Variants in SRCIN1 observed in about 807,000 individuals in gnomAD.
SRCIN1 encodes the protein SRC kinase signaling inhibitor 1.
A neutral mutation model predicts 116.2 loss-of-function variants in SRCIN1; 50 were observed. The ratio of observed to expected loss-of-function variants is 0.43; its 90% CI spans 0.34 to 0.54. The LOEUF (loss-of-function observed/expected upper bound fraction) is 0.54, where lower values mean the gene tolerates loss of function less well. Among genes scored for constraint, SRCIN1 ranks in the 20% least tolerant of loss-of-function variants. The pLI is 0.02. For synonymous variants in SRCIN1, 736 were observed against 750.0 expected (o/e 0.98, Z 0.30); for missense variants, 1,446 against 1,672.0 (o/e 0.86, Z 2.36).
intron 18 of SRCIN1, among the ~76,000 whole-genome samples, chr17:38,533,832 C>T (rs947086900): frequency 2.2e-5 from 3 of 134,990 alleles, no homozygotes; most frequent in Non-Finnish European, 4.8e-5. Context: ...CTGCGGGGGA[C>T]GGGGGTCAGG....
intron 1 of SRCIN1, among the ~76,000 whole-genome samples, chr17:38,587,362 C>T (rs568471124): frequency 5.1e-4 from 77 of 152,240 alleles, no homozygotes; most frequent in Non-Finnish European, 8.8e-4. Context: ...CCACACAGCA[C>T]AGCAGCTCTC....
At chr17:38,594,077 G>T (rs545787698) in intron 1 of SRCIN1, among the ~76,000 whole-genome samples, 3 of 152,342 alleles carry the variant, frequency 2.0e-5, no homozygotes, top group Non-Finnish European at 4.4e-5. Flanking sequence ...GGTCTCAGAG[G>T]CCCTTGCCCT....
rs1906474921 is a variant in SRCIN1, at chr17:38,563,942, G to A, written c.541+176C>T. On this transcript the variant is annotated intron_variant, in intron 4 of 18. Coordinates refer to ENST00000617146, the MANE Select transcript of SRCIN1 (RefSeq NM_025248.3). This position sits in a 1 kb window ranked among gnomAD's most constrained non-coding sequence, Gnocchi z 5.8. Reference sequence around the variant, plus strand: ...GGAGGGAAAGGGGTCGGGTGGGGATGCTGAGGGCGAGAGAGAGATGGAGAG... The same window carrying A: ...GGAGGGAAAGGGGTCGGGTGGGGATACTGAGGGCGAGAGAGAGATGGAGAG... 1.4e-6 allele frequency: 1 copy of A among 704,530 alleles called. No homozygotes were observed. The allele number at this position is 704,530 out of a possible 1,614,324, so 43.6% of individuals were successfully genotyped here.
chr17:38,592,861 T>C (rs1361718441), intron 1 of SRCIN1, among the ~76,000 whole-genome samples: 2 of 152,124 alleles, frequency 1.3e-5, no homozygotes, highest in Non-Finnish European at 2.9e-5. Flanking sequence ...TTTGGTTTTA[T>C]TTCTTTGAAT....
At position 38,552,237 on chromosome 17, in the gene SRCIN1, C is replaced by A. The variant is rs1905473137; in HGVS notation, c.2481-105G>T. The A allele has an allele frequency of 6.0e-6, 9 of 1,506,106 alleles. No homozygotes were observed. Among genetic ancestry groups the A allele is most frequent in the Non-Finnish European group, 8.1e-6 (9 of 1,117,792 alleles). 93.3% of individuals were successfully genotyped at this position (1,506,106 alleles called of 1,614,324 possible). A position where few individuals can be genotyped will look rare whatever the true frequency, so the allele number is the denominator to read the frequency against. The stretch of plus-strand genomic sequence containing the variant: ...GGGGTGGGAGGCAGGCTCTGGGATG[C>A]TGTGGGAGGGCCTGGGGAGGAGTGA... On this transcript the variant is annotated intron_variant, in intron 13 of 18. Coordinates refer to ENST00000617146, the MANE Select transcript of SRCIN1 (RefSeq NM_025248.3). The surrounding 1 kb of genome is among the most constrained non-coding windows in gnomAD (Gnocchi z 5.3).
At position 38,604,214 on chromosome 17, in the gene SRCIN1, C is replaced by T. The variant is rs1355911400; in HGVS notation, c.22+1470G>A. The stretch of plus-strand genomic sequence containing the variant: ...CGACCCCCCAAAAGTGCTCAAACCC[C>T]ACCCAAAGGAACATTCAGGCCCACA... On this transcript the variant is annotated intron_variant, in intron 1 of 18. Transcript: ENST00000617146. The surrounding 1 kb of genome is among the most constrained non-coding windows in gnomAD (Gnocchi z 4.3). 1.3e-5 allele frequency among the ~76,000 whole-genome samples: 2 copies of T among 152,122 alleles called. No individual in the cohort carries two copies. Among genetic ancestry groups the T allele is most frequent in the East Asian group, 3.9e-4 (2 of 5,192 alleles).
intron 1 of SRCIN1, among the ~76,000 whole-genome samples, chr17:38,588,478 C>G (rs1908258677): frequency 6.6e-6 from 1 of 152,178 alleles, no homozygotes; most frequent in African/African-American, 2.4e-5. Flanking sequence ...GGAGAGGCAG[C>G]CGAGGGGAAC....
At position 38,552,505 on chromosome 17, in the gene SRCIN1, G is replaced by A. The variant is rs1342306549; in HGVS notation, c.2422C>T (p.Leu808=). The A allele has an allele frequency of 1.2e-6, 2 of 1,604,462 alleles. No homozygotes were observed. The highest frequency in any genetic ancestry group is 4.5e-5 in the East Asian group (2 of 44,266). Residue 808 remains leucine (L), a synonymous_variant, in exon 13 of 19, where the codon CTG becomes TTG. Transcript: ENST00000617146. The surrounding 1 kb of genome is among the most constrained non-coding windows in gnomAD (Gnocchi z 5.3). ...CGGCAGCGCTTGAGGAGCCCATCCA[G>A]GCGCTGGGGCTCCTCCTTCAGGAAC... The part of the protein sequence containing the change: ...VKFLKEEPQR[L]DGLLKRCRGV...
chr17:38,548,322 T>C (rs1008952738), intron 17 of SRCIN1, among the ~76,000 whole-genome samples: 2 of 152,122 alleles, frequency 1.3e-5, no homozygotes, highest in African/African-American at 4.8e-5. Flanking sequence ...TTGGGGGGAC[T>C]CAGAGACTAT....
At chr17:38,560,227 T>C in intron 8 of SRCIN1, 106 bp downstream of exon 8, 1 of 1,408,924 alleles carries the variant, frequency 7.1e-7, no homozygotes, top group African/African-American at 1.4e-5. Context: ...AGGGAAGGGA[T>C]TCACCCAGGG....
rs151164930 is a variant in SRCIN1 at position 38,540,740 on chromosome 17, GGTGTGTGT to G, written c.3417+3075_3417+3082del. The stretch of plus-strand genomic sequence containing the variant: ...GGGGCAGGGATTTTAAGCTGGCAGG[GGTGTGTGT>G]GTGTGTGTGTGTGTGTGTGTGTGTG... On this transcript the variant is annotated intron_variant, in intron 18 of 18. Coordinates refer to ENST00000617146, the MANE Select transcript of SRCIN1 (RefSeq NM_025248.3). Among the ~76,000 whole-genome samples the G allele has an allele frequency of 3.6e-4, 53 of 146,846 alleles. No individual in the cohort carries two copies. The South Asian group carries it at 8.2e-3, about 23-fold the overall frequency.
Position 38,562,186 on chromosome 17 carries a change from G to A in SRCIN1, c.977C>T (p.Ser326Leu). The A allele has an allele frequency of 7.2e-7, 1 of 1,391,750 alleles. No individual in the cohort carries two copies. Among genetic ancestry groups the A allele is most frequent in the Non-Finnish European group, 9.2e-7 (1 of 1,082,804 alleles). The allele number at this position is 1,391,750 out of a possible 1,614,324, so 86.2% of individuals were successfully genotyped here. Residue 326 changes from serine to leucine, a missense_variant, in exon 7 of 19, where the codon TCG (serine) becomes TTG (leucine). By Grantham distance (145) the Ser-to-Leu change is moderately radical. Around this residue, in one of 5 missense-constraint regions of SRCIN1, gnomAD observed 239 missense variants for 317.7 expected, o/e 0.75. Coordinates refer to ENST00000617146, the MANE Select transcript of SRCIN1 (RefSeq NM_025248.3). This position sits in a 1 kb window ranked among gnomAD's most constrained non-coding sequence, Gnocchi z 4.2. ...CCCGGCGTACGATAGGCGCGAACGC[G>A]ACGGCGAACCGGACTGCAGCCCGGA... The part of the protein sequence containing the change: ...LPSGLQSGSP[S>L]RSRLSYAGGR...
chr17:38,604,646 G>C lies in SRCIN1; in HGVS notation c.22+1038C>G. Reference sequence around the variant, plus strand: ...GGGACGAGCACCAGCAGCCGCACACGCCCCGCCGGGCCCTGACAGCTGAGC... The same window carrying C: ...GGGACGAGCACCAGCAGCCGCACACCCCCCGCCGGGCCCTGACAGCTGAGC... On this transcript the variant is annotated intron_variant, in intron 1 of 18. Coordinates refer to ENST00000617146, the MANE Select transcript of SRCIN1 (RefSeq NM_025248.3). This position sits in a 1 kb window ranked among gnomAD's most constrained non-coding sequence, Gnocchi z 4.3. 2.5e-6 allele frequency: 1 copy of C among 404,760 alleles called. No individual in the cohort carries two copies. Among genetic ancestry groups the C allele is most frequent in the Non-Finnish European group, 4.9e-6 (1 of 202,326 alleles). 25.1% of individuals were successfully genotyped at this position (404,760 alleles called of 1,614,324 possible).
At position 38,558,544 on chromosome 17, in the gene SRCIN1, G is replaced by A; in HGVS notation, c.2026-142C>T. 1 of 959,926 alleles carries A rather than the reference G, an allele frequency of 1.0e-6. No homozygotes were observed. The highest frequency in any genetic ancestry group is 1.5e-6 in the Non-Finnish European group (1 of 669,144). 59.5% of individuals were successfully genotyped at this position (959,926 alleles called of 1,614,324 possible). On this transcript the variant is annotated intron_variant, in intron 10 of 18. Transcript: ENST00000617146. This position sits in a 1 kb window ranked among gnomAD's most constrained non-coding sequence, Gnocchi z 4.6. The stretch of plus-strand genomic sequence containing the variant: ...AAGCGGCTGCTTGGCTCCGCCTCAG[G>A]CAGCAGCGAAGGGGTGGGATGGCGA...
chr17:38,600,430 C>T (rs113411242), intron 1 of SRCIN1, among the ~76,000 whole-genome samples: 7 of 152,326 alleles, frequency 4.6e-5, no homozygotes, highest in African/African-American at 1.7e-4. Context: ...GCCTGGGCCC[C>T]ATCTTCTGTG....
chr17:38,575,548 C>T (rs1359281786), intron 2 of SRCIN1, among the ~76,000 whole-genome samples: 1 of 152,188 alleles, frequency 6.6e-6, no homozygotes, highest in Non-Finnish European at 1.5e-5. Flanking sequence ...TGCGCCCGGC[C>T]TCATATCCAA....
intron 18 of SRCIN1, among the ~76,000 whole-genome samples, chr17:38,538,116 TAAATAA>T (rs1159289087): frequency 5.8e-5 from 7 of 120,624 alleles, no homozygotes; most frequent in Non-Finnish European, 1.1e-4. Flanking sequence ...AATAAATAAA[TAAATAA>T]AAATAAAAAT....
Position 38,559,747 on chromosome 17 carries a change from G to T in SRCIN1, c.1863C>A (p.Ser621Arg). The T allele has an allele frequency of 6.5e-7, 1 of 1,530,620 alleles. No homozygotes were observed. The highest frequency in any genetic ancestry group is 8.7e-7 in the Non-Finnish European group (1 of 1,148,268). 94.8% of individuals were successfully genotyped at this position (1,530,620 alleles called of 1,614,324 possible). A position where few individuals can be genotyped will look rare whatever the true frequency, so the allele number is the denominator to read the frequency against. ...GCGGGCCGGACACCGGGGTGGCCCC[G>T]CTGCTCCGGCCGCCTGACCCACAGG... ...SAPCGSGGRS[S>R]GATPVSGPPP... Residue 621 changes from serine (S) to arginine (R), a missense_variant, in exon 10 of 19, where the codon AGC (serine) becomes AGA (arginine). Coordinates refer to ENST00000617146, the MANE Select transcript of SRCIN1 (RefSeq NM_025248.3).
chr17:38,535,294 C>T (rs144080205), intron 18 of SRCIN1, among the ~76,000 whole-genome samples: 3,310 of 150,422 alleles, frequency 0.022, 145 homozygotes, highest in African/African-American at 0.079. Flanking sequence ...CGGCAACCTC[C>T]GCCTCCCGGG....
Sources: gnomAD v4.1 joint callset for allele counts (sites outside exome capture counted in the v4.1 genomes callset) on GRCh38, gnomAD v4.1.1 for gene constraint, gnomAD v4.1.1 regional missense constraint, Gnocchi (gnomAD v3.1) non-coding constraint, MANE v1.5 for transcripts, NCBI Gene and HGNC (gene_info 2026-07-23, HGNC 2026-07-21) for gene names.